SSU72: variants seen among roughly 807,000 people sequenced by gnomAD.
The protein encoded by SSU72 is SSU72 homolog, RNA polymerase II CTD phosphatase.
Under a neutral mutation model 22.7 loss-of-function variants are expected in SSU72, and 12 were observed. The ratio of observed to expected loss-of-function variants is 0.53; its 90% CI spans 0.34 to 0.86. SSU72 has a LOEUF of 0.86. Ranked by LOEUF, SSU72 falls within the 40% of genes least tolerant of loss-of-function variation. The pLI is 0.02. For missense variants in SSU72, 151 were observed against 249.8 expected (o/e 0.60, Z 2.67); for synonymous variants, 116 against 98.3 (o/e 1.18, Z -1.06).
chr1:1,564,423 G>T (rs1642633134), intron 2 of SSU72: 2 of 1,440,734 alleles, frequency 1.4e-6, no homozygotes, highest in Non-Finnish European at 1.8e-6. Flanking sequence ...AACCTGCAAA[G>T]GAAATAACGG....
chr1:1,558,636 C>T (rs1642549158), intron 2 of SSU72, among the ~76,000 whole-genome samples: 1 of 152,214 alleles, frequency 6.6e-6, no homozygotes, highest in Non-Finnish European at 1.5e-5. Flanking sequence ...TAAACCTTCA[C>T]TAACTTACAT....
chr1:1,564,683 G>A, intron 2 of SSU72, 90 bp downstream of exon 2: 1 of 1,614,104 alleles, frequency 6.2e-7, no homozygotes, highest in Non-Finnish European at 8.5e-7. Context: ...GCACTGCACA[G>A]GGTGACACGC....
chr1:1,543,666 G>A (rs1234521132), intron 4 of SSU72: 60 of 507,788 alleles, frequency 1.2e-4, no homozygotes, highest in Non-Finnish European at 2.0e-4. Flanking sequence ...TCACGGCCTC[G>A]GCCACTCCCC....
chr1:1,557,067 C>T (rs944311288), intron 2 of SSU72, among the ~76,000 whole-genome samples: 3 of 152,198 alleles, frequency 2.0e-5, no homozygotes, highest in African/African-American at 7.2e-5. Context: ...CGGCGTCTGG[C>T]TTAGGAACAC....
chr1:1,572,218 G>C (rs1280298249), intron 1 of SSU72, among the ~76,000 whole-genome samples: 1 of 146,112 alleles, frequency 6.8e-6, no homozygotes, highest in East Asian at 2.3e-4. Flanking sequence ...ACGAGGTCAG[G>C]AGATCGAGAC....
In SSU72 at chr1:1,574,751, G is replaced by A; in HGVS notation, c.-194C>T. ...GCGCCGGGCCGCGGACGGAGCGCAG[G>A]CACTGGCCTTCGGGCGCGCTGCACT... On this transcript the variant is annotated 5_prime_UTR_variant, in exon 1 of 5. Coordinates refer to ENST00000291386, the MANE Select transcript of SSU72 (RefSeq NM_014188.3). 2.8e-6 allele frequency: 1 copy of A among 355,282 alleles called. No homozygotes were observed. Among genetic ancestry groups the A allele is most frequent in the Non-Finnish European group, 4.8e-6 (1 of 208,376 alleles). 22.0% of individuals were successfully genotyped at this position (355,282 alleles called of 1,614,324 possible).
At chr1:1,564,938 A>G in intron 1 of SSU72, 22 bp from the exon 2 acceptor site, 1 of 1,574,490 alleles carries the variant, frequency 6.4e-7, no homozygotes. Flanking sequence ...AAGGAGAGAA[A>G]GAATCACAGT....
intron 1 of SSU72, among the ~76,000 whole-genome samples, chr1:1,571,798 T>C (rs1182823060): frequency 6.6e-6 from 1 of 151,440 alleles, no homozygotes; most frequent in Non-Finnish European, 1.5e-5. Flanking sequence ...TAAATAATTT[T>C]TTTTTTTGAG....
chr1:1,559,750 C>CGG (rs1642564535), intron 2 of SSU72, among the ~76,000 whole-genome samples: 1 of 151,714 alleles, frequency 6.6e-6, no homozygotes, highest in African/African-American at 2.4e-5. Context: ...TTTTTGGAGA[C>CGG]AGTTTCATTC....
At chr1:1,572,849 G>A (rs1642748340) in intron 1 of SSU72, among the ~76,000 whole-genome samples, 1 of 112,562 alleles carries the variant, frequency 8.9e-6, no homozygotes, top group African/African-American at 3.4e-5. Context: ...CAGCCCATTT[G>A]TTATTCCAAT....
chr1:1,558,055 A>T (rs557866002), intron 2 of SSU72, among the ~76,000 whole-genome samples: 1 of 152,102 alleles, frequency 6.6e-6, no homozygotes, highest in South Asian at 2.1e-4. Flanking sequence ...TACAAAAATT[A>T]GCCAGGCGTG....
At position 1,574,656 on chromosome 1, in the gene SSU72, G is replaced by A. The variant is rs893259842; in HGVS notation, c.-99C>T. 3.5e-6 allele frequency: 2 copies of A among 564,840 alleles called. No individual in the cohort carries two copies. Among genetic ancestry groups the A allele is most frequent in the Non-Finnish European group, 4.1e-6 (2 of 488,184 alleles). The allele number at this position is 564,840 out of a possible 1,614,324, so 35.0% of individuals were successfully genotyped here. On this transcript the variant is annotated 5_prime_UTR_variant, in exon 1 of 5. Transcript: ENST00000291386. The stretch of plus-strand genomic sequence containing the variant: ...TGGCGGCCGCGGTGGCCGGAAGCGG[G>A]CGACGCGAAACGACGGCGCCGGCGG...
At chr1:1,567,593 C>A (rs1473505428) in intron 1 of SSU72, among the ~76,000 whole-genome samples, 1 of 152,154 alleles carries the variant, frequency 6.6e-6, no homozygotes, top group South Asian at 2.1e-4. Flanking sequence ...ACAGGGAGCA[C>A]ACGTGAGAAA....
At chr1:1,560,386 G>A (rs574723451) in intron 2 of SSU72, among the ~76,000 whole-genome samples, 1 of 151,246 alleles carries the variant, frequency 6.6e-6, no homozygotes, top group African/African-American at 2.4e-5. Context: ...GCTCAACTGA[G>A]CCTCCTGCCT....
chr1:1,545,102 C>T lies in SSU72; in HGVS notation c.225-100G>A, dbSNP rs568918359. The T allele has an allele frequency of 1.7e-5, 24 of 1,437,634 alleles. No individual in the cohort carries two copies. In the African/African-American group the frequency reaches 2.0e-4, roughly 12 times the overall value. 89.1% of individuals were successfully genotyped at this position (1,437,634 alleles called of 1,614,324 possible). On this transcript the variant is annotated intron_variant, in intron 2 of 4. Transcript: ENST00000291386. ...ACCCAGCCCCTTCCCTGCCCCACAG[C>T]AGAGGCAGCCGGGACGAAGGCCTGG...
intron 2 of SSU72, among the ~76,000 whole-genome samples, chr1:1,559,693 G>A (rs568550568): frequency 1.3e-5 from 2 of 151,986 alleles, no homozygotes; most frequent in Non-Finnish European, 2.9e-5. Flanking sequence ...CTGAGCAGCT[G>A]GGATTACAGG....
chr1:1,551,372 CA>C (rs1406820751), intron 2 of SSU72, among the ~76,000 whole-genome samples: 1 of 152,272 alleles, frequency 6.6e-6, no homozygotes, highest in Admixed American at 6.5e-5. Context: ...GCAAAGGGAA[CA>C]GCAGCAGGGT....
intron 2 of SSU72, among the ~76,000 whole-genome samples, chr1:1,553,566 G>A (rs1335727057): frequency 6.7e-6 from 1 of 148,864 alleles, no homozygotes; most frequent in Non-Finnish European, 1.5e-5. Flanking sequence ...ATAAGGTCAG[G>A]AGATCGAGAC....
chr1:1,553,619 C>CAAAAAAAAAAAAAAAAAAAA (rs59261076), intron 2 of SSU72, among the ~76,000 whole-genome samples: 1 of 100,806 alleles, frequency 9.9e-6, no homozygotes, highest in Non-Finnish European at 2.3e-5. Flanking sequence ...ACTAAAAATA[C>CAAAAAAAAAAAAAAAAAAAA]AAAAAAAAAA....
Sources: gnomAD v4.1 joint callset for allele counts (sites outside exome capture counted in the v4.1 genomes callset) on GRCh38, gnomAD v4.1.1 for gene constraint, MANE v1.5 for transcripts, NCBI Gene and HGNC (gene_info 2026-07-23, HGNC 2026-07-21) for gene names.